The following SNX10 variants were observed in gnomAD, a reference collection of about 807,000 sequenced individuals.
SNX10 encodes the protein sorting nexin-10.
In SNX10, 25 loss-of-function variants were observed where a neutral mutation model predicts 28.5. That is an observed-to-expected ratio of 0.88 (90% CI 0.64 to 1.22). The LOEUF is 1.22. Ranked by LOEUF, SNX10 falls within the 50% of genes most tolerant of loss-of-function variation. The pLI, the probability that SNX10 is intolerant of heterozygous loss-of-function variation, is 0.00. For synonymous variants in SNX10, 62 were observed against 81.4 expected (o/e 0.76, Z 1.28); for missense variants, 223 against 242.6 (o/e 0.92, Z 0.54).
At chr7:26,301,226 G>A (rs149684777) in intron 1 of SNX10, among the ~76,000 whole-genome samples, 8 of 152,186 alleles carry the variant, frequency 5.3e-5, no homozygotes, top group African/African-American at 1.7e-4. Flanking sequence ...CAGATCTTAT[G>A]TTACTCATTG....
At chr7:26,335,776 T>A (rs1422280262) in intron 1 of SNX10, among the ~76,000 whole-genome samples, 1 of 134,942 alleles carries the variant, frequency 7.4e-6, no homozygotes, top group Non-Finnish European at 1.6e-5. Context: ...CGGAGTCTCG[T>A]TCTGTCGCCC....
At chr7:26,341,866 A>G (rs1788188140) in intron 1 of SNX10, among the ~76,000 whole-genome samples, 1 of 151,998 alleles carries the variant, frequency 6.6e-6, no homozygotes, top group Admixed American at 6.6e-5. Context: ...TTTCCAACTC[A>G]CCTAAAGGGC....
intron 1 of SNX10, among the ~76,000 whole-genome samples, chr7:26,338,639 C>T (rs1315492047): frequency 1.3e-5 from 2 of 152,106 alleles, no homozygotes; most frequent in Admixed American, 6.5e-5. Context: ...CTCCTGACCT[C>T]GTGATCCGCC....
intron 5 of SNX10, among the ~76,000 whole-genome samples, chr7:26,369,945 A>G (rs1789449301): frequency 6.6e-6 from 1 of 152,244 alleles, no homozygotes; most frequent in South Asian, 2.1e-4. Flanking sequence ...TGCTTCAGAC[A>G]TGAAATAAAG....
At chr7:26,362,948 G>C (rs1361530705) in intron 3 of SNX10, among the ~76,000 whole-genome samples, 1 of 152,186 alleles carries the variant, frequency 6.6e-6, no homozygotes, top group Non-Finnish European at 1.5e-5. Context: ...TGGTGGTTGT[G>C]AGCAGAGAAA....
intron 1 of SNX10, among the ~76,000 whole-genome samples, chr7:26,309,261 A>C (rs1009160408): frequency 5.9e-5 from 9 of 152,020 alleles, no homozygotes; most frequent in African/African-American, 2.2e-4. Flanking sequence ...CTATCAGTGC[A>C]GTTCTTCTGG....
intron 2 of SNX10, among the ~76,000 whole-genome samples, chr7:26,351,982 A>T (rs1367704311): frequency 1.3e-5 from 2 of 152,168 alleles, no homozygotes; most frequent in African/African-American, 2.4e-5. Flanking sequence ...TATGGACTTC[A>T]GTTAATAATA....
intron 1 of SNX10, among the ~76,000 whole-genome samples, chr7:26,311,486 C>T (rs1327395091): frequency 6.6e-6 from 1 of 152,140 alleles, no homozygotes; most frequent in Non-Finnish European, 1.5e-5. Context: ...ATAAGATACT[C>T]TTGTAGTGTA....
intron 1 of SNX10, among the ~76,000 whole-genome samples, chr7:26,323,327 T>C (rs1442040399): frequency 1.3e-5 from 2 of 151,978 alleles, no homozygotes; most frequent in East Asian, 1.9e-4. Flanking sequence ...AAACGAGTTA[T>C]GGTATTGCAG....
intron 1 of SNX10, among the ~76,000 whole-genome samples, chr7:26,335,060 A>AAAG (rs1425815156): frequency 6.6e-6 from 1 of 152,196 alleles, no homozygotes; most frequent in Non-Finnish European, 1.5e-5. Context: ...CACCTTGAGT[A>AAAG]AAGGGATGCT....
intron 1 of SNX10, among the ~76,000 whole-genome samples, chr7:26,335,072 ATG>A (rs1307461314): frequency 3.9e-5 from 6 of 152,202 alleles, no homozygotes; most frequent in African/African-American, 1.2e-4. Flanking sequence ...AGGGATGCTT[ATG>A]TTAAGGACAC....
Position 26,364,286 on chromosome 7 carries a change from T to C in SNX10, c.112-249T>C, listed in dbSNP as rs1261362748. On this transcript the variant is annotated intron_variant, in intron 3 of 6. Transcript: ENST00000338523. The surrounding 1 kb of genome is among the most constrained non-coding windows in gnomAD (Gnocchi z 4.9). ...AGGTGAGTAGGAGGCTCCTTCAGGATGCAGGGAGTGGCCAGGTCATACCTC... is the reference window on the plus strand; with the variant it reads ...AGGTGAGTAGGAGGCTCCTTCAGGACGCAGGGAGTGGCCAGGTCATACCTC... 78 of 1,160,840 alleles carry C rather than the reference T, an allele frequency of 6.7e-5. No homozygotes were observed. Among genetic ancestry groups the C allele is most frequent in the Non-Finnish European group, 8.2e-5 (77 of 939,218 alleles). The allele number at this position is 1,160,840 out of a possible 1,614,324, so 71.9% of individuals were successfully genotyped here.
intron 2 of SNX10, among the ~76,000 whole-genome samples, chr7:26,353,459 T>TTG (rs1788689093): frequency 1.7e-5 from 1 of 58,410 alleles, no homozygotes; most frequent in Non-Finnish European, 4.4e-5. Context: ...TTTTTTTTTT[T>TTG]TGGTGGGGAG....
chr7:26,341,841 A>C (rs181728522), intron 1 of SNX10, among the ~76,000 whole-genome samples: 34 of 152,078 alleles, frequency 2.2e-4, no homozygotes, highest in Admixed American at 4.6e-4. Context: ...TTGGAAATCT[A>C]TACAAACCTA....
chr7:26,332,113 T>C (rs1379531462), intron 1 of SNX10, among the ~76,000 whole-genome samples: 5 of 152,232 alleles, frequency 3.3e-5, no homozygotes, highest in Non-Finnish European at 1.5e-5. Flanking sequence ...GGAGTTGAAT[T>C]GCCAAGTCAA....
rs572659615 is a variant in SNX10 at position 26,349,370 on chromosome 7, G to A, written c.24+2904G>A. ...TTTTTTTTTTTTTTTACATTTTGGG[G>A]GTGAGGAATCAAATGTAGTCTCTCT... On this transcript the variant is annotated intron_variant, in intron 2 of 6. Coordinates refer to ENST00000338523, the MANE Select transcript of SNX10 (RefSeq NM_013322.3). Among the ~76,000 whole-genome samples, 4 of 151,342 alleles carry A rather than the reference G, an allele frequency of 2.6e-5. No homozygotes were observed. In the South Asian group the frequency reaches 6.3e-4, roughly 24 times the overall value.
chr7:26,335,069 CT>C (rs1242807621), intron 1 of SNX10, among the ~76,000 whole-genome samples: 6 of 152,168 alleles, frequency 3.9e-5, no homozygotes, highest in African/African-American at 1.2e-4. Context: ...TAAAGGGATG[CT>C]TATGTTAAGG....
chr7:26,364,522 T>A lies in SNX10; in HGVS notation c.112-13T>A, dbSNP rs1330444496. On this transcript the variant is annotated splice_polypyrimidine_tract_variant and intron_variant, in intron 3 of 6. Coordinates refer to ENST00000338523, the MANE Select transcript of SNX10 (RefSeq NM_013322.3). The surrounding 1 kb of genome is among the most constrained non-coding windows in gnomAD (Gnocchi z 4.9). The stretch of plus-strand genomic sequence containing the variant: ...CCTCAGGTAAGACTCATTTTTCTAC[T>A]TTCTCTGTACAGACTAATAGCATGT... The A allele has an allele frequency of 1.3e-6, 2 of 1,594,208 alleles. No individual in the cohort carries two copies. The highest frequency in any genetic ancestry group is 1.7e-6 in the Non-Finnish European group (2 of 1,171,756).
At chr7:26,317,957 G>A (rs181053096) in intron 1 of SNX10, among the ~76,000 whole-genome samples, 2 of 152,008 alleles carry the variant, frequency 1.3e-5, no homozygotes, top group Admixed American at 6.6e-5. Flanking sequence ...CACCACGCCC[G>A]GCTTTCATGG....
Sources: allele counts gnomAD v4.1 joint callset (sites outside exome capture counted in the v4.1 genomes callset), GRCh38; gene constraint gnomAD v4.1.1; non-coding constraint Gnocchi (gnomAD v3.1); transcripts MANE v1.5; gene names NCBI Gene and HGNC (gene_info 2026-07-23, HGNC 2026-07-21).